COLEC12: variants seen among roughly 807,000 people sequenced by gnomAD.
COLEC12 encodes collectin subfamily member 12.
COLEC12 carries 33 observed loss-of-function variants against 71.1 expected under a neutral mutation model. That is an observed-to-expected ratio of 0.46 (90% CI 0.35 to 0.62). The LOEUF (loss-of-function observed/expected upper bound fraction) is 0.62, where lower values mean the gene tolerates loss of function less well. COLEC12 is among the 20% of genes least tolerant of loss of function. The pLI, the probability that COLEC12 is intolerant of heterozygous loss-of-function variation, is 0.00. For synonymous variants in COLEC12, 350 were observed against 353.0 expected (o/e 0.99, Z 0.10); for missense variants, 765 against 916.1 (o/e 0.84, Z 2.13).
intron 2 of COLEC12, among the ~76,000 whole-genome samples, chr18:476,584 C>T (rs936585667): frequency 6.6e-6 from 1 of 151,308 alleles, no homozygotes; most frequent in Non-Finnish European, 1.5e-5. Context: ...CAGTCTAGCG[C>T]CCCCGCCCCA....
intron 2 of COLEC12, among the ~76,000 whole-genome samples, chr18:478,277 A>C (rs1448337274): frequency 6.6e-6 from 1 of 152,148 alleles, no homozygotes; most frequent in Admixed American, 6.5e-5. Context: ...GACTTAATCT[A>C]TCTGGGCCTC....
intron 2 of COLEC12, chr18:424,309 G>A (rs1267621522): frequency 2.6e-5 from 4 of 152,124 alleles, no homozygotes; most frequent in South Asian, 2.1e-4. Flanking sequence ...CCAGCCCTCT[G>A]CTCACATTAA....
At chr18:363,410 G>A (rs1486548954) in intron 2 of COLEC12, among the ~76,000 whole-genome samples, 1 of 152,188 alleles carries the variant, frequency 6.6e-6, no homozygotes, top group Non-Finnish European at 1.5e-5. Context: ...AGTGTCTATA[G>A]CTCAGTGGTG....
chr18:367,471 ATG>A lies in COLEC12; in HGVS notation c.59-9951_59-9950del, dbSNP rs566220385. 2.3e-4 allele frequency among the ~76,000 whole-genome samples: 35 copies of A among 152,344 alleles called. No individual in the cohort carries two copies. The South Asian group carries it at 7.0e-3, about 31-fold the overall frequency. On this transcript the variant is annotated intron_variant, in intron 2 of 9. Coordinates refer to ENST00000400256, the MANE Select transcript of COLEC12 (RefSeq NM_130386.3). ...CAGACATTCCTCGTTCCTCAAAAAC[ATG>A]TGTTTTTTACTTTCTTCAAGTGAAG...
chr18:445,350 G>A (rs1211337450), intron 2 of COLEC12, among the ~76,000 whole-genome samples: 3 of 152,056 alleles, frequency 2.0e-5, no homozygotes, highest in Non-Finnish European at 4.4e-5. Flanking sequence ...GCCTATATTT[G>A]CAACACAAGG....
intron 2 of COLEC12, among the ~76,000 whole-genome samples, chr18:375,750 T>C (rs2143547290): frequency 6.6e-6 from 1 of 152,284 alleles, no homozygotes; most frequent in South Asian, 2.1e-4. Flanking sequence ...AGAATGTGAG[T>C]TCCATGCAGG....
In COLEC12 at chr18:335,019, G is replaced by A. The variant is rs1206047828; in HGVS notation, c.1539C>T (p.Ser513=). ...AGCCCTGAGGGCCGGGCTTCCCAGG[G>A]GAACCACGGGAGCCTTTGGGGCCCT... ...GSQGPKGSRG[S]PGKPGPQGSS... The change falls in exon 6 of 10, where the codon TCC becomes TCT. Residue 513 remains serine (S), a synonymous_variant. Transcript: ENST00000400256. 1.3e-6 allele frequency: 2 copies of A among 1,587,178 alleles called. No individual in the cohort carries two copies. The highest frequency in any genetic ancestry group is 2.3e-5 in the East Asian group (1 of 44,202).
At position 500,620 on chromosome 18, in the gene COLEC12, C is replaced by T; in HGVS notation, c.-106G>A. 3 of 986,020 alleles carry T rather than the reference C, an allele frequency of 3.0e-6. No homozygotes were observed. The highest frequency in any genetic ancestry group is 3.8e-6 in the Non-Finnish European group (3 of 780,910). 61.1% of individuals were successfully genotyped at this position (986,020 alleles called of 1,614,324 possible). Reference sequence around the variant, plus strand: ...TCACCGCACGCCCATGGTAGCCGCGCCGCGCGCCGGCCGTCTGCGCCCCCG... The same window carrying T: ...TCACCGCACGCCCATGGTAGCCGCGTCGCGCGCCGGCCGTCTGCGCCCCCG... On this transcript the variant is annotated 5_prime_UTR_variant, in exon 1 of 10. Coordinates refer to ENST00000400256, the MANE Select transcript of COLEC12 (RefSeq NM_130386.3). The surrounding 1 kb of genome is among the most constrained non-coding windows in gnomAD (Gnocchi z 5.3).
At chr18:434,514 G>A (rs1270639576) in intron 2 of COLEC12, among the ~76,000 whole-genome samples, 2 of 152,142 alleles carry the variant, frequency 1.3e-5, no homozygotes, top group Non-Finnish European at 2.9e-5. Flanking sequence ...TGCATAAGCA[G>A]TCACATCTGG....
At chr18:393,263 G>T (rs1254766579) in intron 2 of COLEC12, among the ~76,000 whole-genome samples, 1 of 152,202 alleles carries the variant, frequency 6.6e-6, no homozygotes, top group Non-Finnish European at 1.5e-5. Flanking sequence ...ATCCCATCTT[G>T]AGCCTCTGAA....
At chr18:436,782 C>A (rs2143685752) in intron 2 of COLEC12, among the ~76,000 whole-genome samples, 2 of 152,158 alleles carry the variant, frequency 1.3e-5, no homozygotes, top group Middle Eastern at 6.8e-3. Context: ...TCTGTGTGTT[C>A]TCCTTTCCTC....
chr18:464,801 T>TA (rs1217240596), intron 2 of COLEC12, among the ~76,000 whole-genome samples: 4 of 152,248 alleles, frequency 2.6e-5, no homozygotes, highest in Non-Finnish European at 5.9e-5. Flanking sequence ...ACTCTCATTG[T>TA]AAGGCCCAAG....
At chr18:499,571 G>A (rs1205866413) in intron 1 of COLEC12, among the ~76,000 whole-genome samples, 1 of 152,202 alleles carries the variant, frequency 6.6e-6, no homozygotes, top group East Asian at 1.9e-4. Flanking sequence ...TCGCACCCAC[G>A]CAGGGCTGTG....
chr18:469,154 A>G (rs1917145177), intron 2 of COLEC12, among the ~76,000 whole-genome samples: 1 of 152,266 alleles, frequency 6.6e-6, no homozygotes, highest in Non-Finnish European at 1.5e-5. Context: ...TCACTTGCAC[A>G]GACGGAAAGA....
chr18:468,001 C>T (rs1365676388), intron 2 of COLEC12, among the ~76,000 whole-genome samples: 1 of 152,138 alleles, frequency 6.6e-6, no homozygotes, highest in Non-Finnish European at 1.5e-5. Context: ...CAGTGCCTCA[C>T]ACCTGTAATT....
chr18:425,579 G>T (rs906671105), intron 2 of COLEC12, among the ~76,000 whole-genome samples: 1 of 152,150 alleles, frequency 6.6e-6, no homozygotes, highest in Admixed American at 6.5e-5. Flanking sequence ...GGATGACAGC[G>T]CTGGGGGAAG....
At chr18:453,798 C>T (rs1298134802) in intron 2 of COLEC12, among the ~76,000 whole-genome samples, 1 of 152,206 alleles carries the variant, frequency 6.6e-6, no homozygotes, top group Non-Finnish European at 1.5e-5. Flanking sequence ...ATCTGCTCCT[C>T]CCTTCAATAA....
At chr18:377,340 C>T (rs1412299593) in intron 2 of COLEC12, among the ~76,000 whole-genome samples, 3 of 152,220 alleles carry the variant, frequency 2.0e-5, no homozygotes, top group Non-Finnish European at 4.4e-5. Context: ...GGGTCTGATG[C>T]CCATTGGTCA....
At chr18:422,920 C>A (rs1289352046) in intron 2 of COLEC12, among the ~76,000 whole-genome samples, 1 of 152,190 alleles carries the variant, frequency 6.6e-6, no homozygotes, top group Non-Finnish European at 1.5e-5. Context: ...GGACCCACAG[C>A]CAGCCAGCCC....
Sources: gnomAD v4.1 joint callset for allele counts (sites outside exome capture counted in the v4.1 genomes callset) on GRCh38, gnomAD v4.1.1 for gene constraint, Gnocchi (gnomAD v3.1) non-coding constraint, MANE v1.5 for transcripts, NCBI Gene and HGNC (gene_info 2026-07-23, HGNC 2026-07-21) for gene names.